Variants in C16orf92 observed in about 807,000 individuals in gnomAD.
C16orf92 encodes the protein fertilization-influencing membrane protein.
In C16orf92, 14 loss-of-function variants were observed where a neutral mutation model predicts 13.7. The observed-to-expected ratio is 1.02, with a 90% CI of 0.67 to 1.60. The LOEUF (loss-of-function observed/expected upper bound fraction) is 1.60. Among genes scored for constraint, C16orf92 ranks in the 40% most tolerant of loss-of-function variants. The probability of loss-of-function intolerance (pLI) is 0.00; values close to 1 mark genes in which losing one functional copy is unlikely to be tolerated. For synonymous variants in C16orf92, 50 were observed against 57.4 expected, an observed-to-expected ratio of 0.87 and a Z score of 0.58; for missense variants, 116 against 139.0, an observed-to-expected ratio of 0.83 and a Z score of 0.83.
At chr16:30,025,245 C>T, downstream of C16orf92, 3 of 1,533,196 alleles carry the variant, frequency 2.0e-6, no homozygotes, top group Non-Finnish European at 1.8e-6. This position sits in a 1 kb window ranked among gnomAD's most constrained non-coding sequence, Gnocchi z 4.1. Flanking sequence ...CGGCAGGCCC[C>T]ACGGCAGATG....
At position 30,024,081 on chromosome 16, in the gene C16orf92, C is replaced by T. The variant is rs748355152; in HGVS notation, c.306C>T (p.Thr102=). 1.2e-6 allele frequency: 2 copies of T among 1,612,996 alleles called. No homozygotes were observed. The highest frequency in any genetic ancestry group is 2.2e-5 in the East Asian group (1 of 44,868). The stretch of plus-strand genomic sequence containing the variant: ...TCTTTCTCCTTTTCCAGTTCTGCAC[C>T]CACATGTAAGGCCTGCCCCCTTTCT... ...AFFFLLFQFC[T]HINFQKGA The change falls in exon 3 of 4, where the codon ACC becomes ACT. Residue 102 remains threonine (T), a synonymous_variant. Coordinates refer to ENST00000681219, the MANE Select transcript of C16orf92 (RefSeq NM_001109659.2).
At chr16:30,025,837 G>C (rs759543907), downstream of C16orf92, 2 of 1,603,870 alleles carry the variant, frequency 1.2e-6, no homozygotes, top group South Asian at 2.2e-5. The surrounding 1 kb of genome is among the most constrained non-coding windows in gnomAD (Gnocchi z 4.1). Context: ...CACAGAGGCA[G>C]GAAGGTGAGG....
At chr16:30,025,056 C>A, downstream of C16orf92, 2 of 629,752 alleles carry the variant, frequency 3.2e-6, no homozygotes, top group Non-Finnish European at 5.2e-6. This position sits in a 1 kb window ranked among gnomAD's most constrained non-coding sequence, Gnocchi z 4.1. Flanking sequence ...TCTTCCCTTT[C>A]GGGGTCATCG....
At chr16:30,025,328 G>A, downstream of C16orf92, 1 of 1,575,486 alleles carries the variant, frequency 6.3e-7, no homozygotes, top group Non-Finnish European at 8.6e-7. This position sits in a 1 kb window ranked among gnomAD's most constrained non-coding sequence, Gnocchi z 4.1. Context: ...GATGGCCAGG[G>A]GCACGGCCAG....
downstream of C16orf92, chr16:30,025,761 T>G: frequency 6.2e-7 from 1 of 1,614,114 alleles, no homozygotes; most frequent in East Asian, 2.2e-5. This position sits in a 1 kb window ranked among gnomAD's most constrained non-coding sequence, Gnocchi z 4.1. Flanking sequence ...ACGAAGGGCG[T>G]GCTGACCTCT....
chr16:30,025,201 G>A (rs2071055557), downstream of C16orf92: 3 of 1,482,972 alleles, frequency 2.0e-6, no homozygotes, highest in Non-Finnish European at 2.7e-6. The surrounding 1 kb of genome is among the most constrained non-coding windows in gnomAD (Gnocchi z 4.1). Flanking sequence ...GGGCCTGGCA[G>A]GCCGGGGGCG....
At chr16:30,025,941 C>A, downstream of C16orf92, 1 of 768,156 alleles carries the variant, frequency 1.3e-6, no homozygotes, top group South Asian at 1.6e-5. The surrounding 1 kb of genome is among the most constrained non-coding windows in gnomAD (Gnocchi z 4.1). Flanking sequence ...CATCAGAACA[C>A]CTGGGTGCAG....
At chr16:30,025,450 T>C (rs758513839), downstream of C16orf92, 1 of 1,612,406 alleles carries the variant, frequency 6.2e-7, no homozygotes, top group Admixed American at 1.7e-5. The surrounding 1 kb of genome is among the most constrained non-coding windows in gnomAD (Gnocchi z 4.1). Context: ...TGTGCAGCAG[T>C]GTGTGCTGCT....
At chr16:30,025,561 C>T, downstream of C16orf92, 1 of 1,552,016 alleles carries the variant, frequency 6.4e-7, no homozygotes, top group Non-Finnish European at 8.9e-7. This position sits in a 1 kb window ranked among gnomAD's most constrained non-coding sequence, Gnocchi z 4.1. Flanking sequence ...CAGGCAGCTC[C>T]TCCCAAACCA....
At chr16:30,024,164 G>A (rs377363401) in intron 3 of C16orf92, 42 bp from the exon 4 acceptor site, 1 of 1,613,042 alleles carries the variant, frequency 6.2e-7, no homozygotes, top group Non-Finnish European at 8.5e-7. Flanking sequence ...GTTCTAGCGG[G>A]GCAGGCTGTG....
downstream of C16orf92, among the ~76,000 whole-genome samples, chr16:30,027,372 ATCAT>A (rs2071194436): frequency 1.3e-5 from 2 of 152,196 alleles, no homozygotes; most frequent in African/African-American, 2.4e-5. Flanking sequence ...AGGTGTGGCC[ATCAT>A]CCCCACTGTA....
Position 30,024,621 on chromosome 16 carries a change from T to C in C16orf92, c.*394T>C. The C allele has an allele frequency of 3.9e-6, 1 of 256,034 alleles. No individual in the cohort carries two copies. Among genetic ancestry groups the C allele is most frequent in the East Asian group, 8.1e-5 (1 of 12,282 alleles). The allele number at this position is 256,034 out of a possible 1,614,324, so 15.9% of individuals were successfully genotyped here. Reference sequence around the variant, plus strand: ...CGGGGTTGTCAGCACTGGGAAGGCTTGGGGGTAGCAGCCACCTCCTTCCCC... The same window carrying C: ...CGGGGTTGTCAGCACTGGGAAGGCTCGGGGGTAGCAGCCACCTCCTTCCCC... On this transcript the variant is annotated 3_prime_UTR_variant, in exon 4 of 4. Transcript: ENST00000681219.
At chr16:30,025,354 A>G (rs368149523), downstream of C16orf92, 1 of 1,595,768 alleles carries the variant, frequency 6.3e-7, no homozygotes, top group Non-Finnish European at 8.5e-7. This position sits in a 1 kb window ranked among gnomAD's most constrained non-coding sequence, Gnocchi z 4.1. Context: ...GCAGGCCGGC[A>G]TGGCGCCCGT....
downstream of C16orf92, chr16:30,025,160 G>C (rs749564235): frequency 8.4e-5 from 117 of 1,400,340 alleles, no homozygotes; most frequent in Middle Eastern, 7.8e-4. This position sits in a 1 kb window ranked among gnomAD's most constrained non-coding sequence, Gnocchi z 4.1. Flanking sequence ...GGGTGGGGAG[G>C]GGGAGGGTCC....
At chr16:30,026,947 G>T, downstream of C16orf92, 1 of 976,090 alleles carries the variant, frequency 1.0e-6, no homozygotes, top group Non-Finnish European at 1.6e-6. Context: ...CAGGAGCGGA[G>T]TCTTGGGTAC....
chr16:30,024,151 C>A, intron 3 of C16orf92, 55 bp from the exon 4 acceptor site: 1 of 1,611,762 alleles, frequency 6.2e-7, no homozygotes, highest in Non-Finnish European at 8.5e-7. Context: ...GCTGAAGACC[C>A]CAGTTCTAGC....
At chr16:30,026,247 AAG>A (rs1596734693), downstream of C16orf92, among the ~76,000 whole-genome samples, 2 of 150,674 alleles carry the variant, frequency 1.3e-5, no homozygotes. Flanking sequence ...AAAGAAAAAA[AAG>A]AGAAAGAACA....
At chr16:30,026,705 G>A (rs34362086), downstream of C16orf92, 4,348 of 1,614,012 alleles carry the variant, frequency 2.7e-3, 6 homozygotes, top group Non-Finnish European at 3.4e-3. Context: ...CCCACGTGCT[G>A]CCCGGGGCTC....
At chr16:30,023,559 C>T (rs1315583129) in intron 1 of C16orf92, 155 bp downstream of exon 1, 10 of 1,428,606 alleles carry the variant, frequency 7.0e-6, no homozygotes, top group South Asian at 1.2e-5. Context: ...CCCCAACAAC[C>T]GCGAGCCTTG....
Sources: allele counts gnomAD v4.1 joint callset (sites outside exome capture counted in the v4.1 genomes callset), GRCh38; gene constraint gnomAD v4.1.1; non-coding constraint Gnocchi (gnomAD v3.1); transcripts MANE v1.5; gene names NCBI Gene and HGNC (gene_info 2026-07-23, HGNC 2026-07-21).